STK4: variants seen among roughly 807,000 people sequenced by gnomAD.
STK4 encodes the protein serine/threonine kinase 4.
Under a neutral mutation model 64.9 loss-of-function variants are expected in STK4, and 30 were observed. The observed-to-expected ratio is 0.46, with a 90% CI of 0.35 to 0.63. STK4 has a LOEUF of 0.63. STK4 is among the 20% of genes least tolerant of loss of function. The pLI is 0.01. For missense variants in STK4, 466 were observed against 598.5 expected, an observed-to-expected ratio of 0.78 and a Z score of 2.31; for synonymous variants, 177 against 199.0, an observed-to-expected ratio of 0.89 and a Z score of 0.93.
intron 9 of STK4, among the ~76,000 whole-genome samples, chr20:45,008,909 T>A (rs565380694): frequency 6.4e-4 from 96 of 149,568 alleles, no homozygotes; most frequent in African/African-American, 2.0e-3. Flanking sequence ...TTTGTGTAAA[T>A]TTTTTTTTTA....
intron 9 of STK4, among the ~76,000 whole-genome samples, chr20:45,007,131 G>A (rs954352132): frequency 2.0e-5 from 3 of 152,032 alleles, no homozygotes; most frequent in Admixed American, 6.6e-5. Context: ...AGCTCATTCC[G>A]TTATCTTAAC....
chr20:44,982,353 T>G (rs2067457316), intron 4 of STK4, among the ~76,000 whole-genome samples: 1 of 151,934 alleles, frequency 6.6e-6, no homozygotes, highest in Non-Finnish European at 1.5e-5. Context: ...CAGGCTGGTT[T>G]CGAACTCCTG....
rs202032284 is a variant in STK4 at position 45,023,237 on chromosome 20, A to C, written c.1148-1736A>C. On this transcript the variant is annotated intron_variant, in intron 9 of 10. Transcript: ENST00000372806. ...ATTTAATTCTTAATTAGTGAGGAGA[A>C]AACAGTGTAGTAGGAAACCATTGGC... Among the ~76,000 whole-genome samples, 27 of 152,338 alleles carry C rather than the reference A, an allele frequency of 1.8e-4. No homozygotes were observed. In the East Asian group the frequency reaches 4.6e-3, roughly 26 times the overall value.
At chr20:45,026,810 T>A (rs372406968) in intron 10 of STK4, among the ~76,000 whole-genome samples, 1 of 152,226 alleles carries the variant, frequency 6.6e-6, no homozygotes, top group African/African-American at 2.4e-5. Flanking sequence ...TCTGCTACTA[T>A]TCTCCTCTTC....
At chr20:45,048,994 GT>G (rs144840755) in intron 10 of STK4, among the ~76,000 whole-genome samples, 9 of 147,712 alleles carry the variant, frequency 6.1e-5, no homozygotes, top group Admixed American at 2.7e-4. Context: ...CCACATTGAT[GT>G]TTTTTTTTTC....
intron 10 of STK4, among the ~76,000 whole-genome samples, chr20:45,040,082 T>TTAC (rs2068588846): frequency 7.6e-6 from 1 of 132,066 alleles, no homozygotes; most frequent in East Asian, 2.3e-4. Flanking sequence ...ATTTCATAGG[T>TTAC]GGTATGTATA....
chr20:45,062,650 C>T (rs1979139926), intron 10 of STK4, among the ~76,000 whole-genome samples: 1 of 152,010 alleles, frequency 6.6e-6, no homozygotes, highest in African/African-American at 2.4e-5. Flanking sequence ...GATAATCTTA[C>T]TGTGGGGTTT....
intron 10 of STK4, among the ~76,000 whole-genome samples, chr20:45,060,831 C>G (rs915195204): frequency 2.1e-4 from 32 of 152,202 alleles, no homozygotes; most frequent in Non-Finnish European, 7.3e-5. Context: ...TTCATGACTT[C>G]CCTACCTCTT....
chr20:44,979,751 T>C (rs909646848), intron 3 of STK4, among the ~76,000 whole-genome samples: 15 of 152,100 alleles, frequency 9.9e-5, no homozygotes, highest in African/African-American at 3.4e-4. Context: ...AATGTAGTCC[T>C]TTCTTTTTTC....
intron 1 of STK4, among the ~76,000 whole-genome samples, chr20:44,969,825 G>A (rs6103944): frequency 0.062 from 9,383 of 152,110 alleles, 973 homozygotes; most frequent in African/African-American, 0.21. Context: ...GAAGAGTCAT[G>A]GTATAAAATA....
At chr20:44,989,533 TTC>T (rs34852405) in intron 5 of STK4, among the ~76,000 whole-genome samples, 38,166 of 152,070 alleles carry the variant, frequency 0.25, 5,528 homozygotes, top group Middle Eastern at 0.43. Context: ...TGCAAATATT[TTC>T]TCTCATTCTG....
chr20:45,071,579 A>G (rs1443788986), intron 10 of STK4, among the ~76,000 whole-genome samples: 1 of 152,150 alleles, frequency 6.6e-6, no homozygotes, highest in African/African-American at 2.4e-5. Context: ...TTGCCTCCAG[A>G]TTAGAATCAA....
Position 45,000,632 on chromosome 20 carries a change from T to C in STK4, c.960+112T>C, listed in dbSNP as rs2067820635. On this transcript the variant is annotated intron_variant, in intron 8 of 10. Coordinates refer to ENST00000372806, the MANE Select transcript of STK4 (RefSeq NM_006282.5). ...TGGATCAACTTGGAGCTGGAGATGC[T>C]TCCAGCATAACTATGTCCTAACCTG... 11 of 1,462,204 alleles carry C rather than the reference T, an allele frequency of 7.5e-6. No individual in the cohort carries two copies. In the East Asian group the frequency reaches 2.4e-4, roughly 33 times the overall value. 90.6% of individuals were successfully genotyped at this position (1,462,204 alleles called of 1,614,324 possible).
intron 9 of STK4, among the ~76,000 whole-genome samples, chr20:45,005,735 A>G (rs1568713612): frequency 6.6e-6 from 1 of 151,372 alleles, no homozygotes. Flanking sequence ...AGCTACTAAT[A>G]TGTTTGCTTA....
At position 45,074,874 on chromosome 20, in the gene STK4, A is replaced by G. The variant is rs1253012208; in HGVS notation, c.1306-144A>G. On this transcript the variant is annotated intron_variant, in intron 10 of 10. Transcript: ENST00000372806. The stretch of plus-strand genomic sequence containing the variant: ...CTTTGGAATGAATTGTCACTTTCCA[A>G]CCACCACCACTCAACCTGTGATCTG... The G allele has an allele frequency of 8.5e-5, 77 of 901,486 alleles. No homozygotes were observed. In the South Asian group the frequency reaches 1.2e-3, roughly 15 times the overall value. The allele number at this position is 901,486 out of a possible 1,614,324, so 55.8% of individuals were successfully genotyped here.
chr20:45,013,617 T>C (rs991209331), intron 9 of STK4, among the ~76,000 whole-genome samples: 1 of 152,222 alleles, frequency 6.6e-6, no homozygotes, highest in Non-Finnish European at 1.5e-5. Flanking sequence ...TGGTCTGTTA[T>C]ATCAATTCTT....
At chr20:45,000,975 A>G (rs1188476317) in intron 8 of STK4, among the ~76,000 whole-genome samples, 192 bp from the exon 9 acceptor site, 2 of 152,212 alleles carry the variant, frequency 1.3e-5, no homozygotes, top group Non-Finnish European at 2.9e-5. Flanking sequence ...GGTTAGATAC[A>G]CTGCTTATTA....
chr20:45,001,149 G>C lies in STK4; in HGVS notation c.961-18G>C, dbSNP rs753289508. On this transcript the variant is annotated intron_variant, in intron 8 of 10. Transcript: ENST00000372806. Reference sequence around the variant, plus strand: ...TTTTGTCAAATTAGCCCCAATTTGAGATTGTATCCTTTTACAGGAAGAGGA... The same window carrying C: ...TTTTGTCAAATTAGCCCCAATTTGACATTGTATCCTTTTACAGGAAGAGGA... 6.3e-7 allele frequency: 1 copy of C among 1,595,418 alleles called. No homozygotes were observed. Among genetic ancestry groups the C allele is most frequent in the Non-Finnish European group, 8.6e-7 (1 of 1,165,740 alleles).
chr20:44,992,145 C>T (rs2067646352), intron 5 of STK4, among the ~76,000 whole-genome samples: 1 of 151,836 alleles, frequency 6.6e-6, no homozygotes, highest in Non-Finnish European at 1.5e-5. Flanking sequence ...ATAGAAAAAT[C>T]CATCTACCTT....
Sources: allele counts gnomAD v4.1 joint callset (sites outside exome capture counted in the v4.1 genomes callset), GRCh38; gene constraint gnomAD v4.1.1; transcripts MANE v1.5; gene names NCBI Gene and HGNC (gene_info 2026-07-23, HGNC 2026-07-21).